Variants in CASZ1 observed in about 807,000 individuals in gnomAD.
CASZ1 encodes zinc finger protein castor homolog 1.
In CASZ1, 28 loss-of-function variants were observed where a neutral mutation model predicts 135.2. The observed-to-expected ratio is 0.21, with a 90% confidence interval of 0.15 to 0.28. The LOEUF is 0.28. Ranked by LOEUF, CASZ1 falls within the 10% of genes least tolerant of loss-of-function variation. The pLI, the probability that CASZ1 is intolerant of heterozygous loss-of-function variation, is 1.00. For synonymous variants in CASZ1, 1,068 were observed against 1,073.4 expected (o/e 0.99, Z 0.10); for missense variants, 2,161 against 2,453.3 (o/e 0.88, Z 2.52).
rs542452157 is a variant in CASZ1 at position 10,706,222 on chromosome 1, C to G, written c.-76-678G>C. Among the ~76,000 whole-genome samples the G allele has an allele frequency of 3.3e-5, 5 of 152,198 alleles. No homozygotes were observed. Among genetic ancestry groups the G allele is most frequent in the Admixed American group, 3.3e-4 (5 of 15,292 alleles). The stretch of plus-strand genomic sequence containing the variant: ...GACAACGTGGAGGCTTTAACCAACA[C>G]GCGGCCTGGCCCAGCGTGCCAGGCT... On this transcript the variant is annotated intron_variant, in intron 2 of 20. Coordinates refer to ENST00000377022, the MANE Select transcript of CASZ1 (RefSeq NM_001079843.3). This position sits in a 1 kb window ranked among gnomAD's most constrained non-coding sequence, Gnocchi z 4.3.
chr1:10,698,125 C>T (rs962063171), intron 3 of CASZ1, among the ~76,000 whole-genome samples: 10 of 152,190 alleles, frequency 6.6e-5, no homozygotes, highest in Admixed American at 3.9e-4. Flanking sequence ...AGGGCCGCGC[C>T]GAGTGTAAGG....
chr1:10,773,958 T>C (rs1640617917), intron 1 of CASZ1, among the ~76,000 whole-genome samples: 1 of 152,042 alleles, frequency 6.6e-6, no homozygotes, highest in African/African-American at 2.4e-5. Context: ...AGCAGACGAG[T>C]AGACAAAGAA....
intron 2 of CASZ1, among the ~76,000 whole-genome samples, chr1:10,736,498 G>A (rs1160339174): frequency 1.3e-5 from 2 of 152,182 alleles, no homozygotes; most frequent in African/African-American, 2.4e-5. Context: ...CCGGGATTCT[G>A]ATTTGGGCAG....
chr1:10,670,962 T>A (rs1643379535), intron 4 of CASZ1, among the ~76,000 whole-genome samples: 1 of 152,130 alleles, frequency 6.6e-6, no homozygotes, highest in Non-Finnish European at 1.5e-5. Flanking sequence ...TGGTTGCTGC[T>A]CCCTAGGGGT....
Position 10,637,054 on chromosome 1 carries a change from C to A in CASZ1, c.*1888G>T, listed in dbSNP as rs1351901239. 6.6e-6 allele frequency: 1 copy of A among 152,122 alleles called. No individual in the cohort carries two copies. The highest frequency in any genetic ancestry group is 1.5e-5 in the Non-Finnish European group (1 of 68,012). 9.4% of individuals were successfully genotyped at this position (152,122 alleles called of 1,614,324 possible). On this transcript the variant is annotated 3_prime_UTR_variant, in exon 21 of 21. Coordinates refer to ENST00000377022, the MANE Select transcript of CASZ1 (RefSeq NM_001079843.3). Reference sequence around the variant, plus strand: ...AAATGAGCTAGCAATGGCTTATAGTCCTAGTGTGCAATATGAAGTTTACAA... The same window carrying A: ...AAATGAGCTAGCAATGGCTTATAGTACTAGTGTGCAATATGAAGTTTACAA...
At chr1:10,663,225 G>A (rs993547434) in intron 5 of CASZ1, among the ~76,000 whole-genome samples, 13 of 152,354 alleles carry the variant, frequency 8.5e-5, no homozygotes, top group Admixed American at 4.6e-4. Context: ...GATCCTCAGA[G>A]ACACCTGGGA....
At position 10,700,345 on chromosome 1, in the gene CASZ1, C is replaced by A. The variant is rs1470862052; in HGVS notation, c.-24+5147G>T. On this transcript the variant is annotated intron_variant, in intron 3 of 20. Transcript: ENST00000377022. The surrounding 1 kb of genome is among the most constrained non-coding windows in gnomAD (Gnocchi z 4.2). ...TGCTGCTGGTTCCTGCTCCAAGCCT[C>A]CCTTCTAGGAGCAGGGCTGGGGAGA... Among the ~76,000 whole-genome samples, 1 of 152,220 alleles carries A rather than the reference C, an allele frequency of 6.6e-6. No homozygotes were observed.
At position 10,726,969 on chromosome 1, in the gene CASZ1, C is replaced by T. The variant is rs1013809560; in HGVS notation, c.-76-21425G>A. ...GGCTTCCTGGCCAGTTTCTCTATCA[C>T]GAAAGCCAGGACGGAGGGGAGGGAG... On this transcript the variant is annotated intron_variant, in intron 2 of 20. Transcript: ENST00000377022. The surrounding 1 kb of genome is among the most constrained non-coding windows in gnomAD (Gnocchi z 5.7). Among the ~76,000 whole-genome samples, 2 of 152,106 alleles carry T rather than the reference C, an allele frequency of 1.3e-5. No homozygotes were observed. The highest frequency in any genetic ancestry group is 4.8e-5 in the African/African-American group (2 of 41,398).
chr1:10,754,015 A>G (rs1406898102), intron 2 of CASZ1, among the ~76,000 whole-genome samples: 1 of 151,690 alleles, frequency 6.6e-6, no homozygotes, highest in Admixed American at 6.6e-5. Context: ...TGCTCTAGCC[A>G]CGCTGGTCTC....
chr1:10,732,348 T>C (rs544974515), intron 2 of CASZ1, among the ~76,000 whole-genome samples: 375 of 148,884 alleles, frequency 2.5e-3, no homozygotes, highest in African/African-American at 8.7e-3. Context: ...AAAATATATA[T>C]ATATATATTC....
intron 4 of CASZ1, among the ~76,000 whole-genome samples, chr1:10,691,392 G>A (rs953668236): frequency 6.6e-6 from 1 of 152,164 alleles, no homozygotes; most frequent in Non-Finnish European, 1.5e-5. Flanking sequence ...CCCCTCCTGA[G>A]AAGGCTTGGC....
At chr1:10,654,689 C>T (rs1035792308) in intron 9 of CASZ1, 98 bp from the exon 10 acceptor site, 9 of 1,180,024 alleles carry the variant, frequency 7.6e-6, no homozygotes, top group Non-Finnish European at 1.1e-5. Flanking sequence ...GACTTCCCTG[C>T]TCAGGGAAGC....
intron 2 of CASZ1, among the ~76,000 whole-genome samples, chr1:10,745,476 A>C (rs1409811150): frequency 6.6e-6 from 1 of 152,180 alleles, no homozygotes; most frequent in Non-Finnish European, 1.5e-5. Context: ...AGGGGACTCA[A>C]GGGGGTGTGG....
chr1:10,639,157 CCTCCTCCTCCGGCAGCTCCAG>C lies in CASZ1; in HGVS notation c.5044_5064del (p.Leu1682_Glu1688del), dbSNP rs1028061718. On this transcript the variant is annotated inframe_deletion, in exon 21 of 21. Coordinates refer to ENST00000377022, the MANE Select transcript of CASZ1 (RefSeq NM_001079843.3). The surrounding 1 kb of genome is among the most constrained non-coding windows in gnomAD (Gnocchi z 4.0). ...TCGTCCTCGTCCTCGTCGTCTTCGG[CCTCCTCCTCCGGCAGCTCCAG>C]CTCCTCCTCCTCGTCCTCCTGCGAG... is the stretch of plus-strand genomic sequence containing the variant. 6.6e-5 allele frequency: 71 copies of C among 1,076,260 alleles called. No homozygotes were observed. The highest frequency in any genetic ancestry group is 7.8e-5 in the Non-Finnish European group (68 of 875,944). 66.7% of individuals were successfully genotyped at this position (1,076,260 alleles called of 1,614,324 possible). A position where few individuals can be genotyped will look rare whatever the true frequency, so the allele number is the denominator to read the frequency against.
intron 1 of CASZ1, among the ~76,000 whole-genome samples, chr1:10,769,029 A>C (rs1570576844): frequency 6.6e-6 from 1 of 152,150 alleles, no homozygotes; most frequent in East Asian, 1.9e-4. Flanking sequence ...AATCCCAGCT[A>C]CTCAGGAGAC....
intron 9 of CASZ1, 50 bp downstream of exon 9, chr1:10,655,599 G>C: frequency 6.4e-7 from 1 of 1,550,862 alleles, no homozygotes; most frequent in African/African-American, 1.4e-5. Context: ...GAGCCGGGAG[G>C]GCCTGGGCCA....
intron 4 of CASZ1, among the ~76,000 whole-genome samples, chr1:10,682,606 C>T (rs767964748): frequency 1.3e-5 from 2 of 152,220 alleles, no homozygotes; most frequent in South Asian, 2.1e-4. Context: ...GAACCCTGAA[C>T]AGAAATGTCA....
chr1:10,729,758 C>T (rs185089084), intron 2 of CASZ1, among the ~76,000 whole-genome samples: 4 of 152,336 alleles, frequency 2.6e-5, no homozygotes, highest in East Asian at 1.9e-4. Context: ...TGTGAGAAGG[C>T]ATGTGTTCCT....
chr1:10,748,891 C>T (rs1171986366), intron 2 of CASZ1, among the ~76,000 whole-genome samples: 5 of 152,240 alleles, frequency 3.3e-5, no homozygotes, highest in African/African-American at 1.2e-4. Flanking sequence ...CGAATCAGAC[C>T]TCCTGAGGCA....
Sources: allele counts gnomAD v4.1 joint callset (sites outside exome capture counted in the v4.1 genomes callset), GRCh38; gene constraint gnomAD v4.1.1; non-coding constraint Gnocchi (gnomAD v3.1); transcripts MANE v1.5; gene names NCBI Gene and HGNC (gene_info 2026-07-23, HGNC 2026-07-21).